Variants in MARCHF5 observed in about 807,000 individuals in gnomAD.
The protein encoded by MARCHF5 is E3 ubiquitin-protein ligase MARCHF5.
In MARCHF5, 5 loss-of-function variants were observed where a neutral mutation model predicts 36.5. The ratio of observed to expected loss-of-function variants is 0.14; its 90% confidence interval spans 0.07 to 0.29. MARCHF5 has a LOEUF of 0.29. MARCHF5 is among the 10% of genes least tolerant of loss of function. MARCHF5 has a pLI of 1.00. For missense variants in MARCHF5, 179 were observed against 336.3 expected (o/e 0.53, Z 3.66); for synonymous variants, 103 against 109.9 (o/e 0.94, Z 0.39).
At position 92,340,820 on chromosome 10, in the gene MARCHF5, A is replaced by G. The variant is rs1178194652; in HGVS notation, c.369+17A>G. On this transcript the variant is annotated intron_variant, in intron 3 of 5. Transcript: ENST00000358935. The stretch of plus-strand genomic sequence containing the variant: ...GTGATGCAGGTTCACTATTTTACCT[A>G]TATAGTGATATTACTTGGTGTGAAG... 6.4e-7 allele frequency: 1 copy of G among 1,572,538 alleles called. No homozygotes were observed.
At chr10:92,326,276 T>C (rs1843356911) in intron 2 of MARCHF5, among the ~76,000 whole-genome samples, 1 of 152,238 alleles carries the variant, frequency 6.6e-6, no homozygotes, top group African/African-American at 2.4e-5. Context: ...TGTTTCATTC[T>C]AGGCACTATG....
chr10:92,347,344 G>A (rs2135220397), intron 3 of MARCHF5, among the ~76,000 whole-genome samples: 1 of 152,204 alleles, frequency 6.6e-6, no homozygotes, highest in East Asian at 1.9e-4. Context: ...AAGTAGCCAG[G>A]TGTTGTGCCA....
intron 3 of MARCHF5, among the ~76,000 whole-genome samples, chr10:92,341,653 T>C (rs1843579282): frequency 6.6e-6 from 1 of 152,148 alleles, no homozygotes; most frequent in African/African-American, 2.4e-5. Flanking sequence ...GCTGCAATGA[T>C]CTCTTGTGAC....
At chr10:92,294,346 A>T (rs1005687709) in intron 1 of MARCHF5, among the ~76,000 whole-genome samples, 1 of 152,218 alleles carries the variant, frequency 6.6e-6, no homozygotes, top group South Asian at 2.1e-4. Context: ...TGAAACATAC[A>T]TCTCTATAAA....
chr10:92,297,584 T>C (rs938992219), intron 1 of MARCHF5, among the ~76,000 whole-genome samples: 1 of 148,148 alleles, frequency 6.8e-6, no homozygotes, highest in Non-Finnish European at 1.5e-5. Flanking sequence ...CTCCACCTCC[T>C]GAGTTCAATT....
In MARCHF5 at chr10:92,353,344, CAT is replaced by C; in HGVS notation, c.*2139_*2140del. On this transcript the variant is annotated 3_prime_UTR_variant, in exon 6 of 6. Transcript: ENST00000358935. ...AAGTTGGATAGACCTGGGTTCAAAT[CAT>C]AGTTCAGCTTTCAATAACTGTATGT... 6.6e-6 allele frequency: 1 copy of C among 152,314 alleles called. No homozygotes were observed. 9.4% of individuals were successfully genotyped at this position (152,314 alleles called of 1,614,324 possible). A position where few individuals can be genotyped will look rare whatever the true frequency, so the allele number is the denominator to read the frequency against.
intron 1 of MARCHF5, among the ~76,000 whole-genome samples, chr10:92,302,164 T>A (rs1843023313): frequency 6.6e-6 from 1 of 152,184 alleles, no homozygotes; most frequent in African/African-American, 2.4e-5. Context: ...CAGTACAGAC[T>A]CTTTTTTTTC....
At position 92,307,175 on chromosome 10, in the gene MARCHF5, C is replaced by CTGTGTGTGTGTG. The variant is rs376178460; in HGVS notation, c.36-3933_36-3922dup. ...CTCATAAAATAAGGAAAGAAAACATCTGTGTGTGTGTGTGTGTGTGTGTGT... is the reference window on the plus strand; with the variant it reads ...CTCATAAAATAAGGAAAGAAAACATCTGTGTGTGTGTGTGTGTGTGTGTGTGTGTGTGTGTGT... On this transcript the variant is annotated intron_variant, in intron 1 of 5. Coordinates refer to ENST00000358935, the MANE Select transcript of MARCHF5 (RefSeq NM_017824.5). Among the ~76,000 whole-genome samples the CTGTGTGTGTGTG allele has an allele frequency of 9.9e-3, 1,212 of 121,834 alleles. 20 individuals are homozygous for CTGTGTGTGTGTG. The highest frequency in any genetic ancestry group is 0.034 in the African/African-American group (1,137 of 33,210). The allele number at this position is 121,834 out of a possible 152,430, so 79.9% of individuals were successfully genotyped here.
chr10:92,296,715 TC>T (rs1842952330), intron 1 of MARCHF5, among the ~76,000 whole-genome samples: 1 of 152,164 alleles, frequency 6.6e-6, no homozygotes, highest in African/African-American at 2.4e-5. Context: ...AGCCAGAATG[TC>T]CCCAGAATGG....
At chr10:92,329,200 TG>T (rs1430260892) in intron 2 of MARCHF5, among the ~76,000 whole-genome samples, 1 of 152,190 alleles carries the variant, frequency 6.6e-6, no homozygotes, top group Non-Finnish European at 1.5e-5. Flanking sequence ...CTGCCACAGG[TG>T]CTGAATCATT....
At chr10:92,298,231 A>G (rs1842971148) in intron 1 of MARCHF5, among the ~76,000 whole-genome samples, 1 of 152,210 alleles carries the variant, frequency 6.6e-6, no homozygotes, top group Non-Finnish European at 1.5e-5. Flanking sequence ...AAATATAATG[A>G]CATTTTCTTC....
chr10:92,311,365 A>G (rs778465485), intron 2 of MARCHF5, 28 bp downstream of exon 2: 10 of 1,426,614 alleles, frequency 7.0e-6, no homozygotes, highest in Non-Finnish European at 9.6e-6. Flanking sequence ...AACAACACAG[A>G]TATAGTTGAT....
chr10:92,301,873 A>G (rs773803952), intron 1 of MARCHF5, among the ~76,000 whole-genome samples: 6 of 152,192 alleles, frequency 3.9e-5, no homozygotes, highest in Admixed American at 3.9e-4. Context: ...AGCCTGGCCA[A>G]CATGGTGAAA....
intron 2 of MARCHF5, among the ~76,000 whole-genome samples, chr10:92,321,141 A>AT (rs1843284866): frequency 6.6e-6 from 1 of 152,220 alleles, no homozygotes; most frequent in African/African-American, 2.4e-5. Flanking sequence ...AGGCTACACC[A>AT]TACCGACTCT....
At chr10:92,332,602 C>T (rs1843449975) in intron 2 of MARCHF5, among the ~76,000 whole-genome samples, 1 of 141,416 alleles carries the variant, frequency 7.1e-6, no homozygotes, top group African/African-American at 2.6e-5. Context: ...CTCACTACAA[C>T]CTCCACCTCC....
Position 92,352,568 on chromosome 10 carries a change from T to C in MARCHF5, c.*1361T>C, listed in dbSNP as rs1843728879. The C allele has an allele frequency of 2.0e-5, 3 of 152,250 alleles. No individual in the cohort carries two copies. The highest frequency in any genetic ancestry group is 7.2e-5 in the African/African-American group (3 of 41,464). The allele number at this position is 152,250 out of a possible 1,614,324, so 9.4% of individuals were successfully genotyped here. A position where few individuals can be genotyped will look rare whatever the true frequency, so the allele number is the denominator to read the frequency against. On this transcript the variant is annotated 3_prime_UTR_variant, in exon 6 of 6. Coordinates refer to ENST00000358935, the MANE Select transcript of MARCHF5 (RefSeq NM_017824.5). ...TATTTTCAAAACCCTATTTATTTTCTTGTTCACAGTAATGCATGTCAATAA... is the reference window on the plus strand; with the variant it reads ...TATTTTCAAAACCCTATTTATTTTCCTGTTCACAGTAATGCATGTCAATAA...
chr10:92,332,417 G>C (rs1337559344), intron 2 of MARCHF5, among the ~76,000 whole-genome samples: 1 of 151,910 alleles, frequency 6.6e-6, no homozygotes, highest in Non-Finnish European at 1.5e-5. Context: ...ACTTTTCTGG[G>C]GCTCTTGGAC....
chr10:92,326,842 A>G (rs1314433152), intron 2 of MARCHF5, among the ~76,000 whole-genome samples: 1 of 151,472 alleles, frequency 6.6e-6, no homozygotes, highest in Non-Finnish European at 1.5e-5. Flanking sequence ...CAGGTAATGC[A>G]TTGACACAGT....
intron 1 of MARCHF5, among the ~76,000 whole-genome samples, chr10:92,299,101 T>C (rs1045286390): frequency 2.0e-5 from 3 of 152,092 alleles, no homozygotes; most frequent in Non-Finnish European, 4.4e-5. Flanking sequence ...GGACTACAGG[T>C]ATGAGCTACC....
Sources: gnomAD v4.1 joint callset for allele counts (sites outside exome capture counted in the v4.1 genomes callset) on GRCh38, gnomAD v4.1.1 for gene constraint, MANE v1.5 for transcripts, NCBI Gene and HGNC (gene_info 2026-07-23, HGNC 2026-07-21) for gene names.